The following PEBP4 variants were observed in gnomAD, a reference collection of about 807,000 sequenced individuals.
PEBP4 encodes the protein phosphatidylethanolamine-binding protein 4.
Under a neutral mutation model 23.9 loss-of-function variants are expected in PEBP4, and 22 were observed. The observed-to-expected ratio is 0.92, with a 90% CI of 0.66 to 1.31. The LOEUF (loss-of-function observed/expected upper bound fraction) is 1.31, where lower values mean the gene tolerates loss of function less well. Among genes scored for constraint, PEBP4 ranks in the 40% most tolerant of loss-of-function variants. The pLI, the probability that PEBP4 is intolerant of heterozygous loss-of-function variation, is 0.00. For synonymous variants in PEBP4, 112 were observed against 99.3 expected (o/e 1.13, Z -0.76); for missense variants, 324 against 281.7 (o/e 1.15, Z -1.07).
intron 3 of PEBP4, among the ~76,000 whole-genome samples, chr8:22,840,121 A>G (rs1235200804): frequency 6.6e-6 from 1 of 152,244 alleles, no homozygotes; most frequent in Non-Finnish European, 1.5e-5. Flanking sequence ...ATAAAATTCC[A>G]GAAAGGCTCA....
chr8:22,887,718 T>C (rs1027167930), intron 3 of PEBP4: 2 of 152,100 alleles, frequency 1.3e-5, no homozygotes, highest in Non-Finnish European at 2.9e-5. Flanking sequence ...TGAGCCATGA[T>C]CATATTTGCC....
chr8:22,792,419 C>T (rs1806158100), intron 4 of PEBP4, among the ~76,000 whole-genome samples: 1 of 152,070 alleles, frequency 6.6e-6, no homozygotes, highest in Admixed American at 6.5e-5. Flanking sequence ...TGGTGGGCCC[C>T]CTGCTTTGTG....
At chr8:22,743,428 C>CGGCCCTCGAG (rs1563201433) in intron 4 of PEBP4, among the ~76,000 whole-genome samples, 2 of 152,212 alleles carry the variant, frequency 1.3e-5, no homozygotes, top group African/African-American at 4.8e-5. Flanking sequence ...TGACGGCCCT[C>CGGCCCTCGAG]GGCCCTCATT....
At chr8:22,846,891 A>C (rs896572609) in intron 3 of PEBP4, among the ~76,000 whole-genome samples, 2 of 152,160 alleles carry the variant, frequency 1.3e-5, no homozygotes, top group Non-Finnish European at 2.9e-5. Flanking sequence ...GCAGGGCACG[A>C]TGGCTCATGC....
chr8:22,783,499 A>G (rs566717544), intron 4 of PEBP4, among the ~76,000 whole-genome samples: 1 of 152,246 alleles, frequency 6.6e-6, no homozygotes, highest in South Asian at 2.1e-4. Context: ...TGGCTTTCTT[A>G]TGGCGGTGGC....
At chr8:22,720,432 A>G (rs7835224) in intron 6 of PEBP4, among the ~76,000 whole-genome samples, 56,801 of 152,106 alleles carry the variant, frequency 0.37, 11,372 homozygotes, top group African/African-American at 0.5. Context: ...AGTGGTGGGC[A>G]GGCAGATGTG....
intron 1 of PEBP4, among the ~76,000 whole-genome samples, chr8:22,938,068 G>A (rs1439024260): frequency 1.3e-5 from 2 of 152,072 alleles, no homozygotes; most frequent in Non-Finnish European, 2.9e-5. Context: ...AGCAAAAGTA[G>A]ACTGACAAAT....
chr8:22,909,407 G>A (rs938624982), intron 3 of PEBP4, among the ~76,000 whole-genome samples: 3 of 152,164 alleles, frequency 2.0e-5, no homozygotes, highest in African/African-American at 4.8e-5. Context: ...GACCTAACCC[G>A]CAGTAAAGAA....
intron 4 of PEBP4, among the ~76,000 whole-genome samples, chr8:22,790,903 CT>C (rs1806123879): frequency 6.6e-6 from 1 of 152,176 alleles, no homozygotes; most frequent in African/African-American, 2.4e-5. Context: ...TAAATACAGT[CT>C]TTAGCAGGCG....
rs1190805320 is a variant in PEBP4 at position 22,775,250 on chromosome 8, G to A, written c.357+42387C>T. Among the ~76,000 whole-genome samples the A allele has an allele frequency of 5.3e-5, 8 of 152,186 alleles. No individual in the cohort carries two copies. The highest frequency in any genetic ancestry group is 5.2e-4 in the Admixed American group (8 of 15,278). On this transcript the variant is annotated intron_variant, in intron 4 of 6. Coordinates refer to ENST00000256404, the MANE Select transcript of PEBP4 (RefSeq NM_144962.3). This position sits in a 1 kb window ranked among gnomAD's most constrained non-coding sequence, Gnocchi z 4.8. ...CCCGAGAAAGCTGCCTCTCTCAGCAGCATCTTTCAGGGACCCGGAAGCCCC... is the reference window on the plus strand; with the variant it reads ...CCCGAGAAAGCTGCCTCTCTCAGCAACATCTTTCAGGGACCCGGAAGCCCC...
intron 4 of PEBP4, among the ~76,000 whole-genome samples, chr8:22,806,120 G>A (rs1273492577): frequency 1.3e-5 from 2 of 152,120 alleles, no homozygotes; most frequent in African/African-American, 2.4e-5. Flanking sequence ...CCTCTGACAT[G>A]CCAGATCTTC....
chr8:22,827,770 TA>T (rs1229103323), intron 3 of PEBP4, among the ~76,000 whole-genome samples: 1 of 152,270 alleles, frequency 6.6e-6, no homozygotes, highest in Non-Finnish European at 1.5e-5. Context: ...TGCTGGGTCA[TA>T]TTGTAAATTT....
At chr8:22,934,773 G>A (rs1809512110) in intron 1 of PEBP4, among the ~76,000 whole-genome samples, 1 of 152,106 alleles carries the variant, frequency 6.6e-6, no homozygotes, top group South Asian at 2.1e-4. Flanking sequence ...ATCAGTAAAT[G>A]GATTTAAATT....
At chr8:22,933,625 C>T (rs2128783081) in intron 1 of PEBP4, among the ~76,000 whole-genome samples, 1 of 152,266 alleles carries the variant, frequency 6.6e-6, no homozygotes, top group Admixed American at 6.5e-5. Context: ...TAAACAAAAG[C>T]TTAGGGAGTT....
intron 3 of PEBP4, among the ~76,000 whole-genome samples, chr8:22,828,711 T>C (rs953527524): frequency 2.6e-5 from 4 of 152,174 alleles, no homozygotes; most frequent in Non-Finnish European, 4.4e-5. Flanking sequence ...GGTTGCTACA[T>C]TCACCAAAGA....
rs199743867 is a variant in PEBP4 at position 22,925,080 on chromosome 8, T to C, written c.131+2504A>G. ...GAGGGGTCAGTGCAGGAGGTCCTGC[T>C]GTCTCCTCAGGGGTCCGATCTGTCC... is the stretch of plus-strand genomic sequence containing the variant. On this transcript the variant is annotated intron_variant, in intron 2 of 6. Transcript: ENST00000256404. The C allele has an allele frequency of 3.7e-5, 36 of 985,424 alleles. No homozygotes were observed. The East Asian group carries it at 3.6e-3, about 99-fold the overall frequency. The allele number at this position is 985,424 out of a possible 1,614,324, so 61.0% of individuals were successfully genotyped here.
intron 3 of PEBP4, among the ~76,000 whole-genome samples, chr8:22,912,166 T>C (rs1808951698): frequency 6.6e-6 from 1 of 152,212 alleles, no homozygotes; most frequent in Non-Finnish European, 1.5e-5. Context: ...ATCCTCCTAA[T>C]GGAGCCACCC....
chr8:22,715,205 G>T (rs999857963), intron 6 of PEBP4, among the ~76,000 whole-genome samples: 14 of 152,332 alleles, frequency 9.2e-5, no homozygotes, highest in African/African-American at 3.1e-4. Flanking sequence ...TTTGCAGAAA[G>T]GGTGGCCAAG....
upstream of PEBP4, among the ~76,000 whole-genome samples, chr8:22,931,772 A>G (rs902329884): frequency 3.3e-5 from 5 of 152,016 alleles, no homozygotes; most frequent in African/African-American, 1.2e-4. Flanking sequence ...TCTTCTGATC[A>G]CCATCTCTTC....
Sources: gnomAD v4.1 joint callset for allele counts (sites outside exome capture counted in the v4.1 genomes callset) on GRCh38, gnomAD v4.1.1 for gene constraint, Gnocchi (gnomAD v3.1) non-coding constraint, MANE v1.5 for transcripts, NCBI Gene and HGNC (gene_info 2026-07-23, HGNC 2026-07-21) for gene names.